Variants in STK32B observed in about 807,000 individuals in gnomAD.
The protein encoded by STK32B is serine/threonine-protein kinase 32B.
STK32B carries 43 observed loss-of-function variants against 52.6 expected under a neutral mutation model. That is an observed-to-expected ratio of 0.82 (90% CI 0.64 to 1.05). The LOEUF is 1.05. Ranked by LOEUF, STK32B falls within the 50% of genes least tolerant of loss-of-function variation. The pLI is 0.00. For missense variants in STK32B, 621 were observed against 534.6 expected (o/e 1.16, Z -1.59); for synonymous variants, 238 against 204.3 (o/e 1.17, Z -1.41).
chr4:5,101,384 A>G (rs1161784227), intron 1 of STK32B, among the ~76,000 whole-genome samples: 1 of 152,226 alleles, frequency 6.6e-6, no homozygotes, highest in African/African-American at 2.4e-5. Flanking sequence ...AAAAGAAAGG[A>G]GAAAGTGGGA....
At chr4:5,456,991 A>C in intron 8 of STK32B, 68 bp downstream of exon 8, 1 of 1,167,484 alleles carries the variant, frequency 8.6e-7, no homozygotes, top group Non-Finnish European at 1.2e-6. Flanking sequence ...CCATATCAGC[A>C]AACGAAGGGG....
At chr4:5,234,283 A>G (rs1724477971) in intron 3 of STK32B, among the ~76,000 whole-genome samples, 1 of 152,242 alleles carries the variant, frequency 6.6e-6, no homozygotes. Flanking sequence ...GTAAATAGGT[A>G]TAATGAATAA....
intron 4 of STK32B, among the ~76,000 whole-genome samples, chr4:5,340,139 G>A (rs1288071728): frequency 6.6e-6 from 1 of 152,184 alleles, no homozygotes; most frequent in Non-Finnish European, 1.5e-5. Flanking sequence ...ACGCCCATCT[G>A]GGCCAGGCTG....
At position 5,105,501 on chromosome 4, in the gene STK32B, G is replaced by C. The variant is rs6813621; in HGVS notation, c.53-34404G>C. Among the ~76,000 whole-genome samples the C allele has an allele frequency of 6.8e-3, 1,030 of 152,146 alleles. 11 individuals carry two copies. Among genetic ancestry groups the C allele is most frequent in the African/African-American group, 0.024 (990 of 41,494 alleles). On this transcript the variant is annotated intron_variant, in intron 1 of 11. Coordinates refer to ENST00000282908, the MANE Select transcript of STK32B (RefSeq NM_018401.3). ...CTCTGGCTATAACTTCTATCACTGAGATTCTGGCTCTGTGATAGAAATATC... is the reference window on the plus strand; with the variant it reads ...CTCTGGCTATAACTTCTATCACTGACATTCTGGCTCTGTGATAGAAATATC...
chr4:5,294,840 T>C (rs896335571), intron 3 of STK32B, among the ~76,000 whole-genome samples: 2 of 152,134 alleles, frequency 1.3e-5, no homozygotes, highest in Non-Finnish European at 2.9e-5. Flanking sequence ...AGGGCATCCT[T>C]GTCTTGTGTC....
At chr4:5,174,550 T>A (rs1719669788) in intron 3 of STK32B, among the ~76,000 whole-genome samples, 1 of 152,228 alleles carries the variant, frequency 6.6e-6, no homozygotes, top group Non-Finnish European at 1.5e-5. Flanking sequence ...TTATTTCTCC[T>A]TCACTTATGC....
In STK32B at chr4:5,378,639, A is replaced by G. The variant is rs965672412; in HGVS notation, c.435-19568A>G. ...TTTTATGGGTACATAGTAGGTGTGT[A>G]TATGTATGGGGTACATGAGATGTTT... On this transcript the variant is annotated intron_variant, in intron 4 of 11. Transcript: ENST00000282908. The surrounding 1 kb of genome is among the most constrained non-coding windows in gnomAD (Gnocchi z 4.4). 3.3e-5 allele frequency among the ~76,000 whole-genome samples: 5 copies of G among 152,020 alleles called. No individual in the cohort carries two copies. Among genetic ancestry groups the G allele is most frequent in the African/African-American group, 1.2e-4 (5 of 41,356 alleles).
Position 5,486,356 on chromosome 4 carries a change from G to A in STK32B, c.1107-12589G>A, listed in dbSNP as rs978142805. On this transcript the variant is annotated intron_variant, in intron 11 of 11. Coordinates refer to ENST00000282908, the MANE Select transcript of STK32B (RefSeq NM_018401.3). ...TCAGACTGCTGTGGTAGCAATGAGC[G>A]AGGCTCCGTGGGTGTAGGATCCTCC... is the stretch of plus-strand genomic sequence containing the variant. Among the ~76,000 whole-genome samples the A allele has an allele frequency of 2.6e-4, 39 of 152,164 alleles. 1 individual carries two copies. Among genetic ancestry groups the A allele is most frequent in the Non-Finnish European group, 1.0e-4 (7 of 68,032 alleles).
intron 3 of STK32B, among the ~76,000 whole-genome samples, chr4:5,284,707 G>A (rs1728435289): frequency 6.6e-6 from 1 of 152,164 alleles, no homozygotes; most frequent in Admixed American, 6.6e-5. Flanking sequence ...CCAATGCAGT[G>A]AGCCCAAGTG....
chr4:5,461,881 A>T (rs975387829), intron 9 of STK32B, among the ~76,000 whole-genome samples: 1 of 152,174 alleles, frequency 6.6e-6, no homozygotes, highest in Non-Finnish European at 1.5e-5. Flanking sequence ...CAGAGTGGAC[A>T]TGGTGCTGCC....
chr4:5,293,731 C>T (rs150020222), intron 3 of STK32B, among the ~76,000 whole-genome samples: 20,806 of 151,798 alleles, frequency 0.14, 2,859 homozygotes, highest in African/African-American at 0.36. Flanking sequence ...TCTCCCATTC[C>T]GTAGGTTGCC....
Position 5,499,116 on chromosome 4 carries a change from C to G in STK32B, c.*33C>G. 6.3e-7 allele frequency: 1 copy of G among 1,582,990 alleles called. No homozygotes were observed. The highest frequency in any genetic ancestry group is 1.2e-5 in the South Asian group (1 of 86,086). On this transcript the variant is annotated 3_prime_UTR_variant, in exon 12 of 12. Transcript: ENST00000282908. The stretch of plus-strand genomic sequence containing the variant: ...CTTGTTGCTGCTCAACAGGACTGCA[C>G]TCGTCTCTGCCCTGCCCACCCAGAG...
At chr4:5,485,127 T>A (rs1185244668) in intron 11 of STK32B, among the ~76,000 whole-genome samples, 1 of 152,112 alleles carries the variant, frequency 6.6e-6, no homozygotes, top group Non-Finnish European at 1.5e-5. Context: ...TGAATCTGAA[T>A]GTTGGCCTGT....
At chr4:5,472,857 C>T (rs1351434621) in intron 11 of STK32B, among the ~76,000 whole-genome samples, 1 of 152,112 alleles carries the variant, frequency 6.6e-6, no homozygotes, top group African/African-American at 2.4e-5. Context: ...TAGGGTTTCT[C>T]AACCTTGGCA....
chr4:5,189,799 C>T (rs1389338385), intron 3 of STK32B, among the ~76,000 whole-genome samples: 2 of 152,102 alleles, frequency 1.3e-5, no homozygotes, highest in Middle Eastern at 3.2e-3. Context: ...TCCTGCTGCT[C>T]CCTCCACATC....
intron 2 of STK32B, among the ~76,000 whole-genome samples, chr4:5,146,051 G>GTT (rs1260706159): frequency 8.5e-6 from 1 of 117,410 alleles, no homozygotes. Flanking sequence ...GGGTCAAGTT[G>GTT]TTTTTTTTTT....
intron 2 of STK32B, among the ~76,000 whole-genome samples, chr4:5,152,585 A>G (rs1489393885): frequency 6.6e-6 from 1 of 152,254 alleles, no homozygotes; most frequent in East Asian, 1.9e-4. Flanking sequence ...ACTTCCATGG[A>G]GGATGTCAGG....
intron 11 of STK32B, among the ~76,000 whole-genome samples, chr4:5,477,596 A>G (rs1278401408): frequency 6.6e-6 from 1 of 152,202 alleles, no homozygotes; most frequent in East Asian, 1.9e-4. Flanking sequence ...TTCACGCTGT[A>G]TGTCCATGGC....
chr4:5,443,702 C>T (rs1336165030), intron 6 of STK32B, among the ~76,000 whole-genome samples: 1 of 150,072 alleles, frequency 6.7e-6, no homozygotes, highest in Non-Finnish European at 1.5e-5. Context: ...TCCAGTTTTT[C>T]TGTTCTGTTT....
Sources: allele counts gnomAD v4.1 joint callset (sites outside exome capture counted in the v4.1 genomes callset), GRCh38; gene constraint gnomAD v4.1.1; non-coding constraint Gnocchi (gnomAD v3.1); transcripts MANE v1.5; gene names NCBI Gene and HGNC (gene_info 2026-07-23, HGNC 2026-07-21).